The following GLIS3 variants were observed in gnomAD, a reference collection of about 807,000 sequenced individuals.
The protein encoded by GLIS3 is GLIS family zinc finger 3, also known as zinc finger protein GLIS3.
GLIS3 carries 53 observed loss-of-function variants against 78.6 expected under a neutral mutation model. The ratio of observed to expected loss-of-function variants is 0.67; its 90% CI spans 0.54 to 0.85. The LOEUF (loss-of-function observed/expected upper bound fraction) is 0.85, where lower values mean the gene tolerates loss of function less well. Among genes scored for constraint, GLIS3 ranks in the 40% least tolerant of loss-of-function variants. The pLI is 0.00. For synonymous variants in GLIS3, 684 were observed against 509.9 expected, an observed-to-expected ratio of 1.34 and a Z score of -4.60; for missense variants, 1,703 against 1,231.1, an observed-to-expected ratio of 1.38 and a Z score of -5.74.
At chr9:3,888,951 T>G (rs1017471516) in intron 7 of GLIS3, among the ~76,000 whole-genome samples, 2 of 152,220 alleles carry the variant, frequency 1.3e-5, no homozygotes, top group African/African-American at 4.8e-5. Context: ...GTGACATCCC[T>G]GTTAGAATGT....
chr9:4,270,040 G>A (rs796191227), intron 2 of GLIS3, among the ~76,000 whole-genome samples: 7 of 152,226 alleles, frequency 4.6e-5, no homozygotes, highest in Non-Finnish European at 5.9e-5. Flanking sequence ...TCTGCAGTAA[G>A]ACAGACGTGC....
At chr9:4,306,568 T>A (rs941301148) in intron 4 of GLIS3, among the ~76,000 whole-genome samples, 6 of 152,224 alleles carry the variant, frequency 3.9e-5, no homozygotes, top group Admixed American at 2.0e-4. Flanking sequence ...TACATTCATT[T>A]CCAAATTCCT....
intron 2 of GLIS3, chr9:4,152,259 G>T (rs1834741203): frequency 1.2e-5 from 3 of 253,108 alleles, no homozygotes; most frequent in South Asian, 1.5e-4. Flanking sequence ...GTGAGGCAGG[G>T]TTCTTGTTCC....
intron 4 of GLIS3, among the ~76,000 whole-genome samples, chr9:3,949,049 A>G (rs557753993): frequency 1.1e-4 from 17 of 152,336 alleles, no homozygotes; most frequent in African/African-American, 3.8e-4. Context: ...AACTAGGATC[A>G]TGGCCTTTTG....
chr9:4,220,294 G>A (rs1216296470), intron 2 of GLIS3, among the ~76,000 whole-genome samples: 1 of 151,952 alleles, frequency 6.6e-6, no homozygotes, highest in Non-Finnish European at 1.5e-5. Context: ...AAGAGCAGAG[G>A]GTAAAAGTTT....
chr9:4,070,324 G>A (rs568924293), intron 4 of GLIS3, among the ~76,000 whole-genome samples: 1 of 152,232 alleles, frequency 6.6e-6, no homozygotes, highest in East Asian at 1.9e-4. Flanking sequence ...TTTGCACCAG[G>A]GAAAACTAGT....
intron 6 of GLIS3, among the ~76,000 whole-genome samples, chr9:3,930,330 CA>C (rs1483182887): frequency 6.6e-6 from 1 of 152,116 alleles, no homozygotes; most frequent in Admixed American, 6.5e-5. Flanking sequence ...TTACATAAGA[CA>C]AAATTAAGAG....
At chr9:4,311,488 C>G (rs575153530) in intron 2 of GLIS3, among the ~76,000 whole-genome samples, 2 of 152,332 alleles carry the variant, frequency 1.3e-5, no homozygotes, top group East Asian at 3.9e-4. Context: ...AAGCAGTCCA[C>G]AAGCTTCACC....
At chr9:3,919,014 C>T (rs1237674495) in intron 6 of GLIS3, among the ~76,000 whole-genome samples, 4 of 152,102 alleles carry the variant, frequency 2.6e-5, no homozygotes, top group Non-Finnish European at 5.9e-5. Flanking sequence ...TGGGAAAGTG[C>T]CCTGAAGGAT....
At chr9:4,348,782 AC>A (rs1157277113), upstream of GLIS3, among the ~76,000 whole-genome samples, 8 of 148,808 alleles carry the variant, frequency 5.4e-5, no homozygotes, top group South Asian at 1.0e-3. Flanking sequence ...TGAAAAAAAA[AC>A]AGATTAAAAA....
Position 3,825,317 on chromosome 9 carries a change from A to ATATTT in GLIS3, c.*2950_*2954dup, listed in dbSNP as rs1216701506. ...GGGAGATACCCCACAGGACCTGTAA[A>ATATTT]TATTTAAATAATATTTAACAGCTGA... On this transcript the variant is annotated 3_prime_UTR_variant, in exon 11 of 11. Transcript: ENST00000381971. The ATATTT allele has an allele frequency of 6.6e-6, 1 of 152,196 alleles. No individual in the cohort carries two copies. Among genetic ancestry groups the ATATTT allele is most frequent in the Non-Finnish European group, 1.5e-5 (1 of 68,044 alleles). 9.4% of individuals were successfully genotyped at this position (152,196 alleles called of 1,614,324 possible). A position where few individuals can be genotyped will look rare whatever the true frequency, so the allele number is the denominator to read the frequency against.
intron 2 of GLIS3, among the ~76,000 whole-genome samples, chr9:4,205,392 G>A (rs368179926): frequency 4.5e-4 from 68 of 152,280 alleles, no homozygotes; most frequent in African/African-American, 1.5e-3. Context: ...CCAGAGTTAC[G>A]AATTGGTTCA....
At chr9:3,906,741 T>C (rs1260884238) in intron 6 of GLIS3, among the ~76,000 whole-genome samples, 2 of 152,190 alleles carry the variant, frequency 1.3e-5, no homozygotes, top group African/African-American at 4.8e-5. Flanking sequence ...GAGTTTATCG[T>C]GCTATACTCA....
intron 4 of GLIS3, among the ~76,000 whole-genome samples, chr9:3,956,277 G>A (rs1240978557): frequency 6.6e-6 from 1 of 152,076 alleles, no homozygotes; most frequent in Non-Finnish European, 1.5e-5. Flanking sequence ...CTCAAGCTTA[G>A]AGAAAAATAA....
intron 8 of GLIS3, among the ~76,000 whole-genome samples, chr9:3,875,934 C>G (rs891186211): frequency 3.4e-4 from 52 of 152,292 alleles, no homozygotes; most frequent in African/African-American, 1.3e-3. Context: ...TAACAACATC[C>G]TCTGACTTCC....
the GLIS3 span, among the ~76,000 whole-genome samples, chr9:4,395,652 T>C: frequency 2.0e-5 from 3 of 152,240 alleles, 1 homozygote; most frequent in South Asian, 4.1e-4. Context: ...CTTTGCCAAG[T>C]GCTCTTTGTG....
At chr9:4,182,645 T>C (rs955036645) in intron 2 of GLIS3, among the ~76,000 whole-genome samples, 8 of 152,214 alleles carry the variant, frequency 5.3e-5, no homozygotes, top group Non-Finnish European at 1.0e-4. Flanking sequence ...CTTCCTCTTT[T>C]ATATGGGCAA....
chr9:4,030,205 G>C (rs1235732975), intron 4 of GLIS3, among the ~76,000 whole-genome samples: 1 of 152,104 alleles, frequency 6.6e-6, no homozygotes, highest in Non-Finnish European at 1.5e-5. Flanking sequence ...CAGTGATGTT[G>C]AGCACCTTTT....
At chr9:4,120,045 GAA>G (rs2130888721) in intron 3 of GLIS3, among the ~76,000 whole-genome samples, 1 of 152,248 alleles carries the variant, frequency 6.6e-6, no homozygotes, top group Non-Finnish European at 1.5e-5. Flanking sequence ...ACTTTCTACT[GAA>G]GTCTTTTTTA....
Sources: allele counts gnomAD v4.1 joint callset (sites outside exome capture counted in the v4.1 genomes callset), GRCh38; gene constraint gnomAD v4.1.1; transcripts MANE v1.5; gene names NCBI Gene and HGNC (gene_info 2026-07-23, HGNC 2026-07-21).